The following ARHGAP42 variants were observed in gnomAD, a reference collection of about 807,000 sequenced individuals.
ARHGAP42 encodes the protein rho GTPase-activating protein 42.
Under a neutral mutation model 125.0 loss-of-function variants are expected in ARHGAP42, and 63 were observed. That is an observed-to-expected ratio of 0.50 (90% confidence interval 0.41 to 0.62). The LOEUF is 0.62. ARHGAP42 is among the 20% of genes least tolerant of loss of function. The pLI, the probability that ARHGAP42 is intolerant of heterozygous loss-of-function variation, is 0.00. For synonymous variants in ARHGAP42, 339 were observed against 351.0 expected, an observed-to-expected ratio of 0.97 and a Z score of 0.38; for missense variants, 766 against 1,024.2, an observed-to-expected ratio of 0.75 and a Z score of 3.44.
intron 4 of ARHGAP42, among the ~76,000 whole-genome samples, chr11:100,867,638 A>C (rs1486614308): frequency 2.0e-5 from 3 of 152,202 alleles, no homozygotes; most frequent in East Asian, 3.8e-4. Context: ...TCATATTTGC[A>C]ATAAAGTCTG....
chr11:100,865,648 A>AT (rs962978890), intron 4 of ARHGAP42, among the ~76,000 whole-genome samples: 1 of 152,166 alleles, frequency 6.6e-6, no homozygotes, highest in Non-Finnish European at 1.5e-5. Flanking sequence ...AGTCACACAT[A>AT]TTTTTTATTT....
intron 3 of ARHGAP42, among the ~76,000 whole-genome samples, chr11:100,858,117 G>GTT (rs1555012596): frequency 3.0e-5 from 4 of 134,534 alleles, no homozygotes; most frequent in Non-Finnish European, 6.6e-5. Flanking sequence ...GTGTGTGTGT[G>GTT]TGTGTGTTTA....
At chr11:100,956,750 A>G (rs557260866) in intron 12 of ARHGAP42, among the ~76,000 whole-genome samples, 38 of 152,224 alleles carry the variant, frequency 2.5e-4, no homozygotes, top group African/African-American at 8.9e-4. Context: ...TATCCAACTT[A>G]CTATTTTTTC....
At chr11:100,764,003 CCCT>C (rs1409651281) in intron 1 of ARHGAP42, among the ~76,000 whole-genome samples, 4 of 147,652 alleles carry the variant, frequency 2.7e-5, no homozygotes, top group Non-Finnish European at 4.5e-5. Context: ...CTCCTCCTCC[CCCT>C]CTTCTTCTTC....
intron 3 of ARHGAP42, among the ~76,000 whole-genome samples, chr11:100,801,727 T>C (rs1442144001): frequency 6.6e-6 from 1 of 152,196 alleles, no homozygotes; most frequent in South Asian, 2.1e-4. Flanking sequence ...CAGAACCTTT[T>C]GAGGAGGGTA....
chr11:100,710,777 G>T (rs1206800533), intron 1 of ARHGAP42, among the ~76,000 whole-genome samples: 1 of 152,122 alleles, frequency 6.6e-6, no homozygotes, highest in African/African-American at 2.4e-5. Context: ...CTGATCTTGT[G>T]ATCTGCCCGC....
At chr11:100,965,599 G>C in intron 16 of ARHGAP42, 72 bp from the exon 17 acceptor site, 1 of 1,243,162 alleles carries the variant, frequency 8.0e-7, no homozygotes, top group Non-Finnish European at 1.2e-6. Context: ...ATTGTGATTA[G>C]ATTACTAATG....
intron 1 of ARHGAP42, among the ~76,000 whole-genome samples, chr11:100,711,529 T>G (rs1861565734): frequency 6.6e-6 from 1 of 151,990 alleles, no homozygotes. Context: ...TAATTTTTTG[T>G]CTACTTTCTT....
rs539228266 is a variant in ARHGAP42, at chr11:100,815,220, T to G, written c.312+20054T>G. Among the ~76,000 whole-genome samples the G allele has an allele frequency of 9.3e-4, 141 of 152,354 alleles. 1 individual carries two copies. The highest frequency in any genetic ancestry group is 3.3e-3 in the African/African-American group (136 of 41,582). ...ATGGGATGTATGAAGGGTATTATAT[T>G]GCAGGTTCCTTTTCCATTAGCCTTT... On this transcript the variant is annotated intron_variant, in intron 3 of 23. Coordinates refer to ENST00000298815, the MANE Select transcript of ARHGAP42 (RefSeq NM_152432.4).
chr11:100,764,696 A>C (rs1591162166), intron 1 of ARHGAP42, among the ~76,000 whole-genome samples: 2 of 152,212 alleles, frequency 1.3e-5, no homozygotes, highest in South Asian at 4.1e-4. Context: ...GAAAGAAGGG[A>C]GGGTAAAAGA....
intron 3 of ARHGAP42, among the ~76,000 whole-genome samples, chr11:100,810,660 A>G (rs548794477): frequency 6.6e-6 from 1 of 152,326 alleles, no homozygotes; most frequent in African/African-American, 2.4e-5. Context: ...CTCCCATCTG[A>G]GACTTTTAAT....
At chr11:100,887,560 A>C (rs1445076682) in intron 4 of ARHGAP42, among the ~76,000 whole-genome samples, 1 of 152,202 alleles carries the variant, frequency 6.6e-6, no homozygotes, top group African/African-American at 2.4e-5. Context: ...GGTAATCGTA[A>C]CTATTTCATT....
chr11:100,811,326 A>G (rs551673994), intron 3 of ARHGAP42, among the ~76,000 whole-genome samples: 1 of 152,304 alleles, frequency 6.6e-6, no homozygotes, highest in Admixed American at 6.5e-5. Flanking sequence ...ACAACTCTGG[A>G]TTTAATGAAA....
At chr11:100,858,245 G>A (rs190478777) in intron 3 of ARHGAP42, among the ~76,000 whole-genome samples, 1 of 152,184 alleles carries the variant, frequency 6.6e-6, no homozygotes, top group African/African-American at 2.4e-5. Flanking sequence ...TCTATCTGGA[G>A]GTATGTCTGT....
chr11:100,711,266 T>C (rs996085235), intron 1 of ARHGAP42, among the ~76,000 whole-genome samples: 1 of 152,226 alleles, frequency 6.6e-6, no homozygotes, highest in Non-Finnish European at 1.5e-5. Flanking sequence ...TATCAATCTT[T>C]TCATCAGCGT....
At chr11:100,733,695 C>T (rs1343575774) in intron 1 of ARHGAP42, among the ~76,000 whole-genome samples, 1 of 151,588 alleles carries the variant, frequency 6.6e-6, no homozygotes, top group Non-Finnish European at 1.5e-5. Context: ...TGTGGTGGCA[C>T]ATGCCTGTGA....
rs550643341 is a variant in ARHGAP42, at chr11:100,718,585, TAA to T, written c.154+30755_154+30756del. ...TCAAACACACCACGAATAGAAAAAT[TAA>T]AGTTACATATAGGTAGGGAAATGGA... On this transcript the variant is annotated intron_variant, in intron 1 of 23. Coordinates refer to ENST00000298815, the MANE Select transcript of ARHGAP42 (RefSeq NM_152432.4). Among the ~76,000 whole-genome samples, 155 of 152,238 alleles carry T rather than the reference TAA, an allele frequency of 1.0e-3. 1 individual carries two copies. Among genetic ancestry groups the T allele is most frequent in the Middle Eastern group, 3.4e-3 (1 of 294 alleles).
intron 1 of ARHGAP42, among the ~76,000 whole-genome samples, chr11:100,760,935 C>T (rs1374745780): frequency 6.6e-6 from 1 of 152,056 alleles, no homozygotes; most frequent in Admixed American, 6.6e-5. Context: ...CTGAGGCTTT[C>T]CCTTACTGTT....
rs184398004 is a variant in ARHGAP42, at chr11:100,731,357, C to A, written c.155-38986C>A. On this transcript the variant is annotated intron_variant, in intron 1 of 23. Transcript: ENST00000298815. ...TATTTTTAGTAGAGACGGGGTTTCA[C>A]CATGTTGGCCAGGGTGGTCTCGATC... 2.6e-4 allele frequency among the ~76,000 whole-genome samples: 39 copies of A among 152,242 alleles called. 1 individual carries two copies. Among genetic ancestry groups the A allele is most frequent in the Admixed American group, 4.6e-4 (7 of 15,292 alleles).
Sources: gnomAD v4.1 joint callset for allele counts (sites outside exome capture counted in the v4.1 genomes callset) on GRCh38, gnomAD v4.1.1 for gene constraint, MANE v1.5 for transcripts, NCBI Gene and HGNC (gene_info 2026-07-23, HGNC 2026-07-21) for gene names.